The following RIPOR3 variants were observed in gnomAD, a reference collection of about 807,000 sequenced individuals.
RIPOR3 encodes the protein RIPOR family member 3, also known as family with sequence similarity 65 member C.
A neutral mutation model predicts 114.3 loss-of-function variants in RIPOR3; 95 were observed. The ratio of observed to expected loss-of-function variants is 0.83; its 90% confidence interval spans 0.70 to 0.99. The LOEUF (loss-of-function observed/expected upper bound fraction) is 0.99. Ranked by LOEUF, RIPOR3 falls within the 50% of genes least tolerant of loss-of-function variation. The pLI, the probability that RIPOR3 is intolerant of heterozygous loss-of-function variation, is 0.00. For synonymous variants in RIPOR3, 575 were observed against 543.8 expected, an observed-to-expected ratio of 1.06 and a Z score of -0.80; for missense variants, 1,252 against 1,266.9, an observed-to-expected ratio of 0.99 and a Z score of 0.18.
Position 50,588,847 on chromosome 20 carries a change from G to A in RIPOR3, c.2661+839C>T, listed in dbSNP as rs1482004912. On this transcript the variant is annotated intron_variant, in intron 20 of 21. Transcript: ENST00000327979. ...TGTAATCCCAGCACTTTGGGAGGCC[G>A]AGGCGGGCAGATCACGAGGTCAGGA... Among the ~76,000 whole-genome samples, 6 of 151,370 alleles carry A rather than the reference G, an allele frequency of 4.0e-5. No homozygotes were observed. The South Asian group carries it at 1.0e-3, about 26-fold the overall frequency.
rs749825268 is a variant in RIPOR3 at position 50,630,835 on chromosome 20, A to T, written c.25T>A (p.Leu9Met). The stretch of plus-strand genomic sequence containing the variant: ...GTGTCCCCAGGGGACAGGAACCGCA[A>T]CCTCACCGACATGGTGGTCACCTGC... MVTTMSVR[L>M]RFLSPGDTGA... The change falls in exon 2 of 22, where the codon TTG becomes ATG. Residue 9 changes from leucine to methionine, a missense_variant. By Grantham distance (15) the Leu-to-Met change is conservative. Transcript: ENST00000327979. 6.2e-7 allele frequency: 1 copy of T among 1,605,950 alleles called. No individual in the cohort carries two copies. The highest frequency in any genetic ancestry group is 8.5e-7 in the Non-Finnish European group (1 of 1,176,758).
chr20:50,592,450 G>T lies in RIPOR3; in HGVS notation c.2471C>A (p.Thr824Asn). The change falls in exon 19 of 22, where the codon ACC (threonine) becomes AAC (asparagine). Residue 824 changes from threonine to asparagine, a missense_variant. Transcript: ENST00000327979. ...RLGQLQPLPQ[T>N]LRAWALLQLD... ...CTGGAGCAGCGCCCAGGCTCTTAAG[G>T]TCTGGGGCAGAGGCTGGAGCTGGCC... 6.2e-7 allele frequency: 1 copy of T among 1,612,550 alleles called. No individual in the cohort carries two copies. The highest frequency in any genetic ancestry group is 8.5e-7 in the Non-Finnish European group (1 of 1,179,466).
intron 1 of RIPOR3, among the ~76,000 whole-genome samples, chr20:50,633,819 A>G (rs1386537400): frequency 6.6e-6 from 1 of 152,196 alleles, no homozygotes; most frequent in East Asian, 1.9e-4. Context: ...TAAGGCTCGG[A>G]GCAGACCTGC....
chr20:50,601,743 C>T (rs1419348827), intron 13 of RIPOR3, among the ~76,000 whole-genome samples: 3 of 152,142 alleles, frequency 2.0e-5, no homozygotes, highest in Non-Finnish European at 4.4e-5. Flanking sequence ...CCAGCTGCGA[C>T]CCTGACAACA....
chr20:50,595,304 C>G, intron 16 of RIPOR3, 65 bp downstream of exon 16: 1 of 1,579,930 alleles, frequency 6.3e-7, no homozygotes, highest in African/African-American at 1.3e-5. Context: ...AGAGGCTCCC[C>G]GAGCTTTGAT....
chr20:50,616,767 A>C (rs2084186844), intron 3 of RIPOR3, among the ~76,000 whole-genome samples: 1 of 152,186 alleles, frequency 6.6e-6, no homozygotes, highest in Non-Finnish European at 1.5e-5. Context: ...TTCTGAGCCC[A>C]AAATCTTCAT....
At chr20:50,600,776 A>G (rs1404420962) in intron 13 of RIPOR3, among the ~76,000 whole-genome samples, 1 of 152,214 alleles carries the variant, frequency 6.6e-6, no homozygotes, top group Non-Finnish European at 1.5e-5. Context: ...AATGAAAAAC[A>G]TGAAGTACCA....
intron 1 of RIPOR3, among the ~76,000 whole-genome samples, chr20:50,665,889 G>A (rs947551225): frequency 5.9e-5 from 9 of 151,982 alleles, no homozygotes; most frequent in South Asian, 2.1e-4. Flanking sequence ...GCCCCCCGTC[G>A]CCACGCACCT....
chr20:50,600,288 T>C (rs993683124), intron 13 of RIPOR3, among the ~76,000 whole-genome samples: 2 of 152,204 alleles, frequency 1.3e-5, no homozygotes, highest in African/African-American at 4.8e-5. Flanking sequence ...TGTAATCAAT[T>C]TGCATTGTTC....
At chr20:50,630,357 C>T (rs1428679686) in intron 2 of RIPOR3, among the ~76,000 whole-genome samples, 2 of 152,162 alleles carry the variant, frequency 1.3e-5, no homozygotes, top group Non-Finnish European at 2.9e-5. Flanking sequence ...CTCAAGTGAT[C>T]CTCCTGCCTC....
At position 50,589,559 on chromosome 20, in the gene RIPOR3, G is replaced by A. The variant is rs374691642; in HGVS notation, c.2661+127C>T. ...GATCTGCCTGCCTTGGCCTCCCAAA[G>A]TGCTGAGATTACAGGCGTGAGCCAT... On this transcript the variant is annotated intron_variant, in intron 20 of 21. Coordinates refer to ENST00000327979, the MANE Select transcript of RIPOR3 (RefSeq NM_001290268.2). The A allele has an allele frequency of 2.5e-5, 24 of 975,972 alleles. 1 individual carries two copies. The highest frequency in any genetic ancestry group is 4.4e-4 in the Middle Eastern group (2 of 4,582). The allele number at this position is 975,972 out of a possible 1,614,324, so 60.5% of individuals were successfully genotyped here. A position where few individuals can be genotyped will look rare whatever the true frequency, so the allele number is the denominator to read the frequency against.
rs180753771 is a variant in RIPOR3, at chr20:50,636,064, G to A, written c.4-5208C>T. Among the ~76,000 whole-genome samples the A allele has an allele frequency of 7.1e-4, 108 of 152,376 alleles. 2 individuals carry two copies. Among genetic ancestry groups the A allele is most frequent in the African/African-American group, 2.5e-3 (102 of 41,602 alleles). ...TGCGGACCGCGACAGTTCCCAGGCA[G>A]CTCAGCTGCGCCCCCTCCCGGCTGG... On this transcript the variant is annotated intron_variant, in intron 1 of 21. Transcript: ENST00000327979.
intron 1 of RIPOR3, among the ~76,000 whole-genome samples, chr20:50,683,651 C>T (rs1250234722): frequency 6.6e-6 from 1 of 151,818 alleles, no homozygotes; most frequent in Non-Finnish European, 1.5e-5. Context: ...CGGGCTGTCT[C>T]TACTCCTGTT....
At chr20:50,678,348 G>C (rs550081278) in intron 1 of RIPOR3, among the ~76,000 whole-genome samples, 1 of 152,296 alleles carries the variant, frequency 6.6e-6, no homozygotes, top group Admixed American at 6.5e-5. Context: ...TCACTCACCA[G>C]ATGGACACAG....
chr20:50,667,509 G>T (rs2086294877), intron 1 of RIPOR3, among the ~76,000 whole-genome samples: 1 of 152,006 alleles, frequency 6.6e-6, no homozygotes, highest in African/African-American at 2.4e-5. Flanking sequence ...GGTCAGGCTG[G>T]TCTCAAATTC....
chr20:50,596,806 T>C (rs1167962269), intron 14 of RIPOR3, among the ~76,000 whole-genome samples: 1 of 152,094 alleles, frequency 6.6e-6, no homozygotes, highest in Non-Finnish European at 1.5e-5. Context: ...TGCTCTTCCA[T>C]GTGGTGAGAT....
intron 13 of RIPOR3, among the ~76,000 whole-genome samples, chr20:50,599,386 C>T (rs944608823): frequency 6.6e-6 from 1 of 150,480 alleles, no homozygotes; most frequent in Non-Finnish European, 1.5e-5. Flanking sequence ...AGTGAGACTC[C>T]GTCTCCAAAA....
At chr20:50,643,895 A>G (rs2085294946) in intron 1 of RIPOR3, among the ~76,000 whole-genome samples, 1 of 151,898 alleles carries the variant, frequency 6.6e-6, no homozygotes, top group Admixed American at 6.6e-5. Context: ...TTGTATTTTT[A>G]GTAGAGATGG....
chr20:50,587,312 A>T lies in RIPOR3; in HGVS notation c.2773T>A (p.Phe925Ile). 1 of 1,614,130 alleles carries T rather than the reference A, an allele frequency of 6.2e-7. No individual in the cohort carries two copies. The highest frequency in any genetic ancestry group is 8.5e-7 in the Non-Finnish European group (1 of 1,180,028). ...LSFGEKGRLA[F>I]EKMDKLCSEQ... ...GAGCAGAGCTTGTCCATCTTCTCAA[A>T]AGCTAACCGTCCTTTTTCACCTGAA... Residue 925 changes from phenylalanine (F) to isoleucine (I), a missense_variant, in exon 22 of 22, where the codon TTT becomes ATT. Transcript: ENST00000327979.
Sources: allele counts gnomAD v4.1 joint callset (sites outside exome capture counted in the v4.1 genomes callset), GRCh38; gene constraint gnomAD v4.1.1; transcripts MANE v1.5; gene names NCBI Gene and HGNC (gene_info 2026-07-23, HGNC 2026-07-21).